The following TP53BP1 variants were observed in gnomAD, a reference collection of about 807,000 sequenced individuals.
TP53BP1 encodes the protein tumor protein p53 binding protein 1, also known as TP53-binding protein 1.
Under a neutral mutation model 200.8 loss-of-function variants are expected in TP53BP1, and 61 were observed. The ratio of observed to expected loss-of-function variants is 0.30; its 90% CI spans 0.25 to 0.38. The LOEUF (loss-of-function observed/expected upper bound fraction) is 0.38, where lower values mean the gene tolerates loss of function less well. Among genes scored for constraint, TP53BP1 ranks in the 10% least tolerant of loss-of-function variants. TP53BP1 has a pLI of 1.00. For missense variants in TP53BP1, 2,144 were observed against 2,371.9 expected (o/e 0.90, Z 2.00); for synonymous variants, 822 against 844.3 (o/e 0.97, Z 0.46).
At chr15:43,450,732 G>A (rs2046146600) in intron 12 of TP53BP1, among the ~76,000 whole-genome samples, 1 of 152,030 alleles carries the variant, frequency 6.6e-6, no homozygotes, top group South Asian at 2.1e-4. Context: ...ATCTATAAAT[G>A]GAGACATTTA....
intron 14 of TP53BP1, among the ~76,000 whole-genome samples, chr15:43,442,624 A>G (rs1254882789): frequency 1.3e-5 from 2 of 151,308 alleles, no homozygotes; most frequent in East Asian, 3.9e-4. Flanking sequence ...CACCCTCCTG[A>G]GTAGCTGGGA....
intron 12 of TP53BP1, among the ~76,000 whole-genome samples, chr15:43,452,066 C>T (rs1037071751): frequency 1.3e-5 from 2 of 152,062 alleles, no homozygotes; most frequent in South Asian, 2.1e-4. Context: ...ACCTGGGAGG[C>T]GGAGGTTGCA....
At chr15:43,499,030 A>AC (rs892589941) in intron 1 of TP53BP1, among the ~76,000 whole-genome samples, 6 of 152,086 alleles carry the variant, frequency 3.9e-5, no homozygotes, top group Non-Finnish European at 5.9e-5. Flanking sequence ...AAAAAAAAAA[A>AC]AACAAAACAA....
chr15:43,413,359 C>T, intron 23 of TP53BP1, 25 bp from the exon 24 acceptor site: 1 of 1,599,200 alleles, frequency 6.3e-7, no homozygotes, highest in South Asian at 1.1e-5. Flanking sequence ...GGCACAGTTA[C>T]TAGAGGGATA....
At chr15:43,488,651 T>C (rs2079079337) in intron 4 of TP53BP1, among the ~76,000 whole-genome samples, 1 of 152,144 alleles carries the variant, frequency 6.6e-6, no homozygotes, top group South Asian at 2.1e-4. Context: ...CCCAGCACTT[T>C]GGGAGACTGA....
intron 16 of TP53BP1, among the ~76,000 whole-genome samples, chr15:43,437,067 G>A (rs2045815757): frequency 6.6e-6 from 1 of 152,096 alleles, no homozygotes; most frequent in South Asian, 2.1e-4. Flanking sequence ...GTTCAGGCAG[G>A]AGGATTGCTT....
intron 10 of TP53BP1, among the ~76,000 whole-genome samples, chr15:43,474,153 G>C (rs1385787326): frequency 1.3e-5 from 2 of 152,198 alleles, no homozygotes; most frequent in African/African-American, 4.8e-5. Flanking sequence ...GGGGCCGGCA[G>C]GGCCGGCCGG....
Position 43,456,673 on chromosome 15 carries a change from A to C in TP53BP1, c.1935T>G (p.Ser645Arg). The change falls in exon 12 of 28, where the codon AGT becomes AGG. Residue 645 changes from serine to arginine, a missense_variant. Coordinates refer to ENST00000382044, the MANE Select transcript of TP53BP1 (RefSeq NM_001141980.3). ...CCATAGCTTCCTCCTGATCTAACAC[A>C]CTAGAAAGTGCCTCAGATCGAGTAG... ...SPATRSEALS[S>R]VLDQEEAMEI... 1 of 1,614,078 alleles carries C rather than the reference A, an allele frequency of 6.2e-7. No homozygotes were observed. Among genetic ancestry groups the C allele is most frequent in the South Asian group, 1.1e-5 (1 of 91,076 alleles).
rs750682383 is a variant in TP53BP1 at position 43,413,226 on chromosome 15, A to G, written c.5198T>C (p.Leu1733Ser). Residue 1733 changes from leucine to serine, a missense_variant, in exon 24 of 28, where the codon TTG becomes TCG. Leu to Ser is a moderately radical substitution (Grantham distance 145). Transcript: ENST00000382044. ...QRGPLPLNKT[L>S]FLGYAFLLTM... ...AAGGAGAAATGCGTAGCCCAGAAAC[A>G]AGGTCTTGTTGAGAGGCAAAGGCCC... 1 of 1,614,156 alleles carries G rather than the reference A, an allele frequency of 6.2e-7. No individual in the cohort carries two copies. The highest frequency in any genetic ancestry group is 1.7e-5 in the Admixed American group (1 of 60,024).
Position 43,403,496 on chromosome 15 carries a change from C to A in TP53BP1, c.*3887G>T. On this transcript the variant is annotated 3_prime_UTR_variant, in exon 28 of 28. Coordinates refer to ENST00000382044, the MANE Select transcript of TP53BP1 (RefSeq NM_001141980.3). ...ATACTCGCTTAGCCAGGAAAGGATG[C>A]ATTTGTTTTACGCATTTTGTGCGTC... is the stretch of plus-strand genomic sequence containing the variant. 1.8e-6 allele frequency: 1 copy of A among 553,288 alleles called. No homozygotes were observed. The highest frequency in any genetic ancestry group is 3.2e-5 in the Admixed American group (1 of 30,950). The allele number at this position is 553,288 out of a possible 1,614,324, so 34.3% of individuals were successfully genotyped here.
At chr15:43,447,514 AAG>A in intron 12 of TP53BP1, 29 bp from the exon 13 acceptor site, 7 of 1,459,856 alleles carry the variant, frequency 4.8e-6, no homozygotes, top group East Asian at 2.5e-5. Flanking sequence ...AGAAAAAAGA[AAG>A]AAAGAAAAAA....
rs761600714 is a variant in TP53BP1 at position 43,421,078 on chromosome 15, C to A, written c.4197G>T (p.Thr1399=). The part of the protein sequence containing the change: ...GIRQGGKAPV[T]PRGRGRRGRP... ...GGCCCCTTCGCCCACGCCCACGAGG[C>A]GTGACTGGAGCCTTCCCTCCCTGTC... Residue 1399 remains threonine, a synonymous_variant, in exon 20 of 28, where the codon ACG becomes ACT. Coordinates refer to ENST00000382044, the MANE Select transcript of TP53BP1 (RefSeq NM_001141980.3). 6.2e-7 allele frequency: 1 copy of A among 1,614,244 alleles called. No homozygotes were observed. Among genetic ancestry groups the A allele is most frequent in the East Asian group, 2.2e-5 (1 of 44,890 alleles).
At chr15:43,410,189 A>C (rs1454193182) in intron 24 of TP53BP1, among the ~76,000 whole-genome samples, 1 of 152,192 alleles carries the variant, frequency 6.6e-6, no homozygotes, top group Admixed American at 6.5e-5. Flanking sequence ...ACACTTTATA[A>C]GTTATATATG....
In TP53BP1 at chr15:43,407,271, C is replaced by CT. The variant is rs2044932894; in HGVS notation, c.*111dup. The CT allele has an allele frequency of 1.2e-6, 1 of 869,134 alleles. No homozygotes were observed. The highest frequency in any genetic ancestry group is 2.5e-5 in the Admixed American group (1 of 40,700). 53.8% of individuals were successfully genotyped at this position (869,134 alleles called of 1,614,324 possible). ...TATCATAAAAGTTCAGCAAATAAAA[C>CT]TATATACAAGATCCATGCAAGGAAT... On this transcript the variant is annotated 3_prime_UTR_variant, in exon 28 of 28. Transcript: ENST00000382044.
At chr15:43,466,734 C>G (rs2255383) in intron 11 of TP53BP1, among the ~76,000 whole-genome samples, 42,878 of 151,970 alleles carry the variant, frequency 0.28, 10,247 homozygotes, top group African/African-American at 0.65. Flanking sequence ...GTGTGTGCCA[C>G]TAGTCCTAGC....
rs749007329 is a variant in TP53BP1 at position 43,428,129 on chromosome 15, G to A, written c.3715C>T (p.His1239Tyr). ...GTTCTCATGTGACGATGTAAGACAT[G>A]GCCATGTGGAGGCTGAGGCATATCA... ...EFDMPQPPHG[H>Y]VLHRHMRTIR... is the part of the protein sequence containing the mutation. The change falls in exon 18 of 28, where the codon CAT becomes TAT. Residue 1239 changes from histidine (H) to tyrosine (Y), a missense_variant. Physicochemically the swap from His to Tyr is moderately conservative, Grantham distance 83 (BLOSUM62 2). Coordinates refer to ENST00000382044, the MANE Select transcript of TP53BP1 (RefSeq NM_001141980.3). 6.2e-7 allele frequency: 1 copy of A among 1,613,690 alleles called. No homozygotes were observed. Among genetic ancestry groups the A allele is most frequent in the Non-Finnish European group, 8.5e-7 (1 of 1,179,690 alleles).
At chr15:43,438,172 T>C in intron 16 of TP53BP1, 152 bp downstream of exon 16, 2 of 590,128 alleles carry the variant, frequency 3.4e-6, no homozygotes, top group Non-Finnish European at 5.8e-6. Flanking sequence ...TTTATACCAA[T>C]ACCACTAATT....
chr15:43,419,012 G>A (rs2045330453), intron 21 of TP53BP1, among the ~76,000 whole-genome samples: 2 of 152,330 alleles, frequency 1.3e-5, no homozygotes, highest in Middle Eastern at 3.4e-3. Flanking sequence ...CTGAGCTCAG[G>A]AGTTTGAGAC....
chr15:43,492,368 A>C lies in TP53BP1; in HGVS notation c.108T>G (p.Val36=), dbSNP rs2079137487. The C allele has an allele frequency of 6.2e-7, 1 of 1,614,116 alleles. No individual in the cohort carries two copies. Among genetic ancestry groups the C allele is most frequent in the Non-Finnish European group, 8.5e-7 (1 of 1,179,984 alleles). The change falls in exon 2 of 28, where the codon GTT becomes GTG. Residue 36 remains valine, a synonymous_variant. Transcript: ENST00000382044. The part of the protein sequence containing the change: ...IIEDSQPESQ[V]LEDDSGSHFS... Reference sequence around the variant, plus strand: ...AGTGAGAACCAGAATCATCCTCTAGAACCTGGCTTTCAGGCTGAGAATCTT... The same window carrying C: ...AGTGAGAACCAGAATCATCCTCTAGCACCTGGCTTTCAGGCTGAGAATCTT...
Sources: allele counts gnomAD v4.1 joint callset (sites outside exome capture counted in the v4.1 genomes callset), GRCh38; gene constraint gnomAD v4.1.1; transcripts MANE v1.5; gene names NCBI Gene and HGNC (gene_info 2026-07-23, HGNC 2026-07-21).